Variants in BTAF1 observed in about 807,000 individuals in gnomAD.
The protein encoded by BTAF1 is TATA-binding protein-associated factor 172.
BTAF1 carries 38 observed loss-of-function variants against 227.1 expected under a neutral mutation model. The observed-to-expected ratio is 0.17, with a 90% confidence interval of 0.13 to 0.22. BTAF1 has a LOEUF of 0.22. Among genes scored for constraint, BTAF1 ranks in the 10% least tolerant of loss-of-function variants. BTAF1 has a pLI of 1.00. For missense variants in BTAF1, 1,598 were observed against 2,204.0 expected, an observed-to-expected ratio of 0.73 and a Z score of 5.51; for synonymous variants, 742 against 751.9, an observed-to-expected ratio of 0.99 and a Z score of 0.21.
chr10:91,992,507 T>TAA (rs1487112459), intron 21 of BTAF1, among the ~76,000 whole-genome samples, 198 bp downstream of exon 21: 1 of 152,166 alleles, frequency 6.6e-6, no homozygotes, highest in African/African-American at 2.4e-5. Context: ...TTTTACCAGC[T>TAA]TAACTTTATC....
intron 25 of BTAF1, among the ~76,000 whole-genome samples, chr10:92,005,006 C>T (rs973720230): frequency 2.0e-5 from 3 of 152,158 alleles, no homozygotes; most frequent in African/African-American, 7.2e-5. Flanking sequence ...AAGAGGCTGT[C>T]CTTTCCCCTT....
chr10:91,939,595 T>G (rs2133809850), intron 2 of BTAF1, among the ~76,000 whole-genome samples: 1 of 152,190 alleles, frequency 6.6e-6, no homozygotes, highest in East Asian at 1.9e-4. Flanking sequence ...TGTGCCACCA[T>G]GCCTGGCTAA....
chr10:91,996,507 C>A lies in BTAF1; in HGVS notation c.3448C>A (p.Leu1150Ile), dbSNP rs1484819982. The change falls in exon 24 of 38, where the codon CTT becomes ATT. Residue 1150 changes from leucine (L) to isoleucine (I), a missense_variant. Leu to Ile is a conservative substitution (Grantham distance 5). Around this residue, in one of 10 missense-constraint regions of BTAF1, gnomAD observed 425 missense variants for 491.2 expected, o/e 0.87. Coordinates refer to ENST00000265990, the MANE Select transcript of BTAF1 (RefSeq NM_003972.3). ...ETMNIFLEKV[L>I]PWLGAIDDSV... ...AATGAATATTTTTTTGGAGAAGGTT[C>A]TTCCGTGGCTGGGAGCAATTGATGA... is the stretch of plus-strand genomic sequence containing the variant. The A allele has an allele frequency of 6.2e-7, 1 of 1,613,992 alleles. No homozygotes were observed. Among genetic ancestry groups the A allele is most frequent in the Admixed American group, 1.7e-5 (1 of 59,980 alleles).
In BTAF1 at chr10:91,942,588, A is replaced by G. The variant is rs374223681; in HGVS notation, c.400+20A>G. 273 of 1,611,742 alleles carry G rather than the reference A, an allele frequency of 1.7e-4. No homozygotes were observed. Among genetic ancestry groups the G allele is most frequent in the Non-Finnish European group, 2.2e-4 (255 of 1,178,698 alleles). On this transcript the variant is annotated intron_variant, in intron 4 of 37. Transcript: ENST00000265990. Reference sequence around the variant, plus strand: ...AATCAGGTCTGTAGTGGTTCTGAGAAGAAAGTCTAAAATTTGTTTTTTCAG... The same window carrying G: ...AATCAGGTCTGTAGTGGTTCTGAGAGGAAAGTCTAAAATTTGTTTTTTCAG...
chr10:91,987,342 G>A (rs953179185), intron 19 of BTAF1, among the ~76,000 whole-genome samples: 7 of 151,974 alleles, frequency 4.6e-5, no homozygotes, highest in Non-Finnish European at 8.8e-5. Context: ...AATTAGCCGG[G>A]CGTGGTGGTG....
Position 92,014,042 on chromosome 10 carries a change from G to A in BTAF1, c.4584+13G>A, listed in dbSNP as rs190379330. The A allele has an allele frequency of 1.4e-5, 22 of 1,602,200 alleles. No homozygotes were observed. Among genetic ancestry groups the A allele is most frequent in the African/African-American group, 2.7e-5 (2 of 74,264 alleles). ...TAGTCCTCTCCAGGTTAGGAATCTCGTGTTTATCATTGTTAGTGGTATGTT... is the reference window on the plus strand; with the variant it reads ...TAGTCCTCTCCAGGTTAGGAATCTCATGTTTATCATTGTTAGTGGTATGTT... On this transcript the variant is annotated intron_variant, in intron 32 of 37. Transcript: ENST00000265990.
intron 29 of BTAF1, 40 bp from the exon 30 acceptor site, chr10:92,011,246 A>G (rs367805904): frequency 5.4e-5 from 81 of 1,502,732 alleles, no homozygotes; most frequent in Non-Finnish European, 7.1e-5. Context: ...TTCCTGACAT[A>G]CAGCAAAAGT....
intron 25 of BTAF1, among the ~76,000 whole-genome samples, chr10:92,006,873 TA>T (rs1234216909): frequency 6.6e-6 from 1 of 152,200 alleles, no homozygotes. Flanking sequence ...AGAAAAGTAA[TA>T]ATTATTTTCT....
intron 3 of BTAF1, among the ~76,000 whole-genome samples, chr10:91,941,967 C>G (rs559336098): frequency 1.3e-5 from 2 of 152,188 alleles, no homozygotes; most frequent in Non-Finnish European, 2.9e-5. Context: ...ACTTACTACA[C>G]TTTTACTTTT....
intron 5 of BTAF1, among the ~76,000 whole-genome samples, chr10:91,952,693 C>A (rs912210117): frequency 1.3e-5 from 2 of 151,694 alleles, no homozygotes; most frequent in Non-Finnish European, 2.9e-5. Flanking sequence ...TGAGTAACTT[C>A]TGCAGACAAG....
rs1453570358 is a variant in BTAF1, at chr10:92,013,926, G to A, written c.4481G>A (p.Arg1494His). 7.4e-6 allele frequency: 12 copies of A among 1,613,670 alleles called. No individual in the cohort carries two copies. Among genetic ancestry groups the A allele is most frequent in the African/African-American group, 1.3e-5 (1 of 74,906 alleles). ...AGVLAMDALH[R>H]QVLPFLLRRM... ...GTTCTTGCTATGGATGCGCTGCACC[G>A]CCAAGTACTACCGTTTCTTTTGAGA... The change falls in exon 32 of 38, where the codon CGC becomes CAC. Residue 1494 changes from arginine (R) to histidine (H), a missense_variant. This residue lies in a region of BTAF1 where 184 missense variants were observed against 341.1 expected (regional missense o/e 0.54). Transcript: ENST00000265990.
At chr10:91,963,856 G>A (rs1846700464) in intron 12 of BTAF1, among the ~76,000 whole-genome samples, 1 of 152,112 alleles carries the variant, frequency 6.6e-6, no homozygotes, top group African/African-American at 2.4e-5. Context: ...GTCAGGCAGG[G>A]AAGTATCAAA....
intron 5 of BTAF1, 63 bp from the exon 6 acceptor site, chr10:91,953,674 T>A: frequency 6.4e-7 from 1 of 1,550,534 alleles, no homozygotes; most frequent in Non-Finnish European, 8.7e-7. Flanking sequence ...CTTCTGAGGC[T>A]GAGACTATAG....
chr10:92,011,232 A>G lies in BTAF1; in HGVS notation c.4182-54A>G, dbSNP rs533213623. ...TTTTCCCACTTTAAAGATTCTTCATATAGTTCCTGACATACAGCAAAAGTT... is the reference window on the plus strand; with the variant it reads ...TTTTCCCACTTTAAAGATTCTTCATGTAGTTCCTGACATACAGCAAAAGTT... On this transcript the variant is annotated intron_variant, in intron 29 of 37. Coordinates refer to ENST00000265990, the MANE Select transcript of BTAF1 (RefSeq NM_003972.3). The G allele has an allele frequency of 1.3e-5, 19 of 1,514,560 alleles. No homozygotes were observed. The African/African-American group carries it at 2.1e-4, about 17-fold the overall frequency. 93.8% of individuals were successfully genotyped at this position (1,514,560 alleles called of 1,614,324 possible). A position where few individuals can be genotyped will look rare whatever the true frequency, so the allele number is the denominator to read the frequency against.
intron 1 of BTAF1, among the ~76,000 whole-genome samples, chr10:91,932,719 T>G (rs1452751794): frequency 6.6e-6 from 1 of 152,258 alleles, no homozygotes; most frequent in Non-Finnish European, 1.5e-5. Context: ...GTAATCTCTG[T>G]TGCATAGTAG....
chr10:92,020,608 C>T (rs1217535819), intron 34 of BTAF1, among the ~76,000 whole-genome samples: 1 of 152,132 alleles, frequency 6.6e-6, no homozygotes, highest in Non-Finnish European at 1.5e-5. Context: ...TGTATCCTTA[C>T]ATCACTAAAC....
intron 14 of BTAF1, among the ~76,000 whole-genome samples, chr10:91,967,153 T>G (rs1003465131): frequency 2.0e-5 from 3 of 152,210 alleles, no homozygotes; most frequent in African/African-American, 7.2e-5. Flanking sequence ...AGAGTACAAC[T>G]CTTAAAAGAC....
chr10:91,956,109 C>A (rs1222631331), intron 6 of BTAF1, among the ~76,000 whole-genome samples: 1 of 151,896 alleles, frequency 6.6e-6, no homozygotes, highest in East Asian at 1.9e-4. Context: ...TTTTCAAGAA[C>A]TGGTAAGATT....
intron 14 of BTAF1, among the ~76,000 whole-genome samples, chr10:91,977,557 A>G (rs548169382): frequency 6.6e-6 from 1 of 152,244 alleles, no homozygotes; most frequent in African/African-American, 2.4e-5. Context: ...TCTTGTGCAG[A>G]TTTTTGTGTG....
Sources: gnomAD v4.1 joint callset for allele counts (sites outside exome capture counted in the v4.1 genomes callset) on GRCh38, gnomAD v4.1.1 for gene constraint, gnomAD v4.1.1 regional missense constraint, MANE v1.5 for transcripts, NCBI Gene and HGNC (gene_info 2026-07-23, HGNC 2026-07-21) for gene names.